Variants in AGBL1 observed in about 807,000 individuals in gnomAD.
AGBL1 encodes AGBL carboxypeptidase 1.
A neutral mutation model predicts 118.9 loss-of-function variants in AGBL1; 130 were observed. The ratio of observed to expected loss-of-function variants is 1.09; its 90% CI spans 0.95 to 1.26. The LOEUF is 1.26. AGBL1 is among the 50% of genes most tolerant of loss of function. The pLI is 0.00. For synonymous variants in AGBL1, 555 were observed against 478.9 expected (o/e 1.16, Z -2.08); for missense variants, 1,584 against 1,298.1 (o/e 1.22, Z -3.38).
chr15:86,522,053 T>C (rs1239521118), intron 18 of AGBL1, among the ~76,000 whole-genome samples: 5 of 152,282 alleles, frequency 3.3e-5, no homozygotes, highest in African/African-American at 1.2e-4. Flanking sequence ...GCATCTCAGT[T>C]TCCTCACTGT....
intron 18 of AGBL1, among the ~76,000 whole-genome samples, chr15:86,468,958 A>G (rs1419692530): frequency 6.6e-6 from 1 of 152,168 alleles, no homozygotes; most frequent in Non-Finnish European, 1.5e-5. Flanking sequence ...ATTTACAAAT[A>G]CAAATTGTAT....
At chr15:86,144,730 G>T (rs1321828322) in intron 3 of AGBL1, among the ~76,000 whole-genome samples, 1 of 152,116 alleles carries the variant, frequency 6.6e-6, no homozygotes, top group Non-Finnish European at 1.5e-5. Flanking sequence ...TTAATACCTG[G>T]ATGCTGAAAT....
At chr15:86,731,669 A>G (rs1268271269) in intron 22 of AGBL1, among the ~76,000 whole-genome samples, 1 of 152,220 alleles carries the variant, frequency 6.6e-6, no homozygotes, top group Non-Finnish European at 1.5e-5. Flanking sequence ...GGAAGAAGCT[A>G]TCATTTTCAC....
chr15:86,626,776 T>C (rs900024138), intron 21 of AGBL1, among the ~76,000 whole-genome samples: 1 of 151,482 alleles, frequency 6.6e-6, no homozygotes, highest in African/African-American at 2.4e-5. Context: ...AGAGCCTTCC[T>C]AAAAGACAAT....
chr15:86,502,406 T>C (rs1243086410), intron 18 of AGBL1, among the ~76,000 whole-genome samples: 2 of 151,488 alleles, frequency 1.3e-5, no homozygotes, highest in Non-Finnish European at 3.0e-5. Context: ...TTTCCTTTCC[T>C]ATCTGGATGC....
At chr15:86,235,564 A>G (rs578133424) in intron 6 of AGBL1, among the ~76,000 whole-genome samples, 91 of 152,344 alleles carry the variant, frequency 6.0e-4, no homozygotes, top group Non-Finnish European at 1.1e-3. Context: ...AAAGTACATC[A>G]TGGCTTCCTC....
chr15:86,754,136 T>A (rs1465395924), intron 22 of AGBL1, among the ~76,000 whole-genome samples: 1 of 152,084 alleles, frequency 6.6e-6, no homozygotes, highest in Non-Finnish European at 1.5e-5. Flanking sequence ...TATAATATAT[T>A]TTATGTTTGT....
Position 86,191,927 on chromosome 15 carries a change from C to A in AGBL1, c.488+32901C>A, listed in dbSNP as rs76105769. Among the ~76,000 whole-genome samples, 1,358 of 148,446 alleles carry A rather than the reference C, an allele frequency of 9.1e-3. 19 individuals carry two copies. Among genetic ancestry groups the A allele is most frequent in the African/African-American group, 0.032 (1,273 of 39,534 alleles). ...CTTAAAAAAAAAAAAACAAAAAAAA[C>A]CAAAAAACACAAAAAACACAAAAAT... is the stretch of plus-strand genomic sequence containing the variant. On this transcript the variant is annotated intron_variant, in intron 5 of 22. Transcript: ENST00000614907.
intron 22 of AGBL1, among the ~76,000 whole-genome samples, chr15:86,859,905 C>T (rs1035876342): frequency 2.6e-5 from 4 of 152,090 alleles, no homozygotes; most frequent in Non-Finnish European, 4.4e-5. Context: ...AAGATACTGT[C>T]GAGTTTGCTA....
At chr15:86,467,318 T>TC (rs894171223) in intron 18 of AGBL1, among the ~76,000 whole-genome samples, 14 of 151,998 alleles carry the variant, frequency 9.2e-5, no homozygotes, top group African/African-American at 2.7e-4. Flanking sequence ...CGGACACTCC[T>TC]CCCCCCACCA....
intron 22 of AGBL1, among the ~76,000 whole-genome samples, chr15:86,813,573 C>T (rs529962180): frequency 3.3e-5 from 5 of 152,186 alleles, no homozygotes; most frequent in African/African-American, 9.6e-5. Flanking sequence ...ATCCTAAGGC[C>T]CTTTGGCCCT....
At chr15:86,545,838 C>A (rs190542264) in intron 19 of AGBL1, among the ~76,000 whole-genome samples, 164 bp from the exon 20 acceptor site, 27 of 152,246 alleles carry the variant, frequency 1.8e-4, no homozygotes, top group African/African-American at 6.3e-4. Flanking sequence ...GCCAAAGACA[C>A]CAGTGATCCG....
intron 5 of AGBL1, among the ~76,000 whole-genome samples, chr15:86,195,960 G>A (rs983092978): frequency 1.3e-5 from 2 of 152,074 alleles, no homozygotes; most frequent in African/African-American, 4.8e-5. Context: ...GACTTACTGA[G>A]GAGAAAATAA....
intron 18 of AGBL1, among the ~76,000 whole-genome samples, chr15:86,457,856 T>A (rs1182351453): frequency 6.6e-6 from 1 of 152,180 alleles, no homozygotes; most frequent in Non-Finnish European, 1.5e-5. Context: ...TTCTCATAAT[T>A]CCTCTAAGAC....
chr15:86,139,499 C>A (rs773537768), intron 1 of AGBL1, among the ~76,000 whole-genome samples: 1 of 152,076 alleles, frequency 6.6e-6, no homozygotes, highest in Non-Finnish European at 1.5e-5. Context: ...GAAAAATAAG[C>A]CAGCCGGGTG....
intron 18 of AGBL1, among the ~76,000 whole-genome samples, chr15:86,485,576 A>T (rs1407034841): frequency 6.6e-6 from 1 of 152,160 alleles, no homozygotes. Flanking sequence ...AACTGTATTT[A>T]TGTACACTGA....
intron 12 of AGBL1, among the ~76,000 whole-genome samples, chr15:86,266,760 G>T (rs1225028506): frequency 6.6e-6 from 1 of 152,132 alleles, no homozygotes; most frequent in Non-Finnish European, 1.5e-5. Flanking sequence ...AAATTAACTG[G>T]GTATGGTGGC....
At chr15:86,278,642 C>T (rs1183381635) in intron 15 of AGBL1, among the ~76,000 whole-genome samples, 2 of 152,122 alleles carry the variant, frequency 1.3e-5, no homozygotes, top group Non-Finnish European at 2.9e-5. Flanking sequence ...TTCCCTTTCC[C>T]CCAGTAAAAC....
At chr15:86,509,283 A>G (rs1596204312) in intron 18 of AGBL1, among the ~76,000 whole-genome samples, 1 of 152,074 alleles carries the variant, frequency 6.6e-6, no homozygotes, top group African/African-American at 2.4e-5. Context: ...TAAGAAAGAG[A>G]TGGAGAAGAA....
Sources: gnomAD v4.1 joint callset for allele counts (sites outside exome capture counted in the v4.1 genomes callset) on GRCh38, gnomAD v4.1.1 for gene constraint, MANE v1.5 for transcripts, NCBI Gene and HGNC (gene_info 2026-07-23, HGNC 2026-07-21) for gene names.